Variants in OR8B8 observed in about 807,000 individuals in gnomAD.
OR8B8 encodes olfactory receptor family 8 subfamily B member 8.
In OR8B8, 8 loss-of-function variants were observed where a neutral mutation model predicts 10.5. The observed-to-expected ratio is 0.76, with a 90% CI of 0.45 to 1.38. The LOEUF (loss-of-function observed/expected upper bound fraction) is 1.38. Among genes scored for constraint, OR8B8 ranks in the 40% most tolerant of loss-of-function variants. OR8B8 has a pLI of 0.00. For synonymous variants in OR8B8, 150 were observed against 145.2 expected, an observed-to-expected ratio of 1.03 and a Z score of -0.24; for missense variants, 390 against 380.5, an observed-to-expected ratio of 1.03 and a Z score of -0.21.
rs1189787898 is a variant in OR8B8, at chr11:124,438,084, A to C, written c.*2066T>G. The C allele has an allele frequency of 1.3e-5, 2 of 152,184 alleles. No individual in the cohort carries two copies. The highest frequency in any genetic ancestry group is 4.8e-5 in the African/African-American group (2 of 41,444). 9.4% of individuals were successfully genotyped at this position (152,184 alleles called of 1,614,324 possible). On this transcript the variant is annotated 3_prime_UTR_variant, in exon 3 of 3. Transcript: ENST00000642064. ...AAATTTACCGAGAATCTGGCATCTA[A>C]TTCACTTAATACCTCTGAGAAAAAC...
At position 124,440,149 on chromosome 11, in the gene OR8B8, C is replaced by A. The variant is rs1251786360; in HGVS notation, c.*1G>T. On this transcript the variant is annotated 3_prime_UTR_variant, in exon 3 of 3. Coordinates refer to ENST00000642064, the MANE Select transcript of OR8B8 (RefSeq NM_012378.2). ...TTTCTTTCCTGAGCATTGCCCTTTT[C>A]TCAGGAGAATGCATTTTTGTTCAAG... 1 of 1,609,058 alleles carries A rather than the reference C, an allele frequency of 6.2e-7. No homozygotes were observed. Among genetic ancestry groups the A allele is most frequent in the South Asian group, 1.1e-5 (1 of 90,638 alleles).
intron 1 of OR8B8, among the ~76,000 whole-genome samples, chr11:124,444,543 T>C (rs1411294308): frequency 6.6e-6 from 1 of 152,208 alleles, no homozygotes; most frequent in East Asian, 1.9e-4. Context: ...ATAATGATGC[T>C]AGCAACATTG....
Position 124,440,787 on chromosome 11 carries a change from T to A in OR8B8, c.299A>T (p.Gln100Leu). 1 of 1,614,146 alleles carries A rather than the reference T, an allele frequency of 6.2e-7. No homozygotes were observed. Among genetic ancestry groups the A allele is most frequent in the Admixed American group, 1.7e-5 (1 of 60,022 alleles). Residue 100 changes from glutamine (Q) to leucine (L), a missense_variant, in exon 3 of 3, where the codon CAG becomes CTG. By Grantham distance (113) the Gln-to-Leu change is moderately radical. Transcript: ENST00000642064. ...AACAAAGAAAAGAAAGAAGAAGAGC[T>A]GAGTCATACACCCTGCGTAGGAGAT... is the stretch of plus-strand genomic sequence containing the variant. The part of the protein sequence containing the change: ...NSISYAGCMT[Q>L]LFFFLFFVVS...
rs377463612 is a variant in OR8B8 at position 124,440,301 on chromosome 11, G to T, written c.785C>A (p.Pro262His). The change falls in exon 3 of 3, where the codon CCC (proline) becomes CAC (histidine). Residue 262 changes from proline (P) to histidine (H), a missense_variant. By Grantham distance (77) the Pro-to-His change is moderately conservative. Transcript: ENST00000642064. ...FGSGAFMYLKPFSLLAMNQGK... is the reference protein window; with the variant it reads ...FGSGAFMYLKHFSLLAMNQGK... ...CTGGTTCATAGCTAAAAGAGAAAAG[G>T]GTTTGAGGTACATGAATGCTCCTGA... 6.2e-7 allele frequency: 1 copy of T among 1,614,156 alleles called. No individual in the cohort carries two copies. Among genetic ancestry groups the T allele is most frequent in the Non-Finnish European group, 8.5e-7 (1 of 1,180,020 alleles).
chr11:124,443,351 G>A (rs952832601), intron 1 of OR8B8, among the ~76,000 whole-genome samples: 9 of 152,182 alleles, frequency 5.9e-5, no homozygotes, highest in African/African-American at 2.2e-4. Flanking sequence ...CGTATGCAAT[G>A]TGAATCCATG....
In OR8B8 at chr11:124,440,485, C is replaced by T. The variant is rs755711154; in HGVS notation, c.601G>A (p.Val201Ile). 3 of 1,614,182 alleles carry T rather than the reference C, an allele frequency of 1.9e-6. No individual in the cohort carries two copies. The highest frequency in any genetic ancestry group is 2.5e-6 in the Non-Finnish European group (3 of 1,180,030). ...ACACCAATATCAATGCCCACAACAA[C>T]AAACACTACAAGCTCATTCACATAG... ...STYVNELVVF[V>I]VVGIDIGVPT... The change falls in exon 3 of 3, where the codon GTT (valine) becomes ATT (isoleucine). Residue 201 changes from valine to isoleucine, a missense_variant. Physicochemically the swap from Val to Ile is conservative, Grantham distance 29. Coordinates refer to ENST00000642064, the MANE Select transcript of OR8B8 (RefSeq NM_012378.2).
rs1206047073 is a variant in OR8B8, at chr11:124,437,842, G to A, written c.*2308C>T. ...CGTCATTTCAAAATCTGATTCTGAGGGGACACAAGTGTTCAGCCTATAGCA... is the reference window on the plus strand; with the variant it reads ...CGTCATTTCAAAATCTGATTCTGAGAGGACACAAGTGTTCAGCCTATAGCA... On this transcript the variant is annotated 3_prime_UTR_variant, in exon 3 of 3. Coordinates refer to ENST00000642064, the MANE Select transcript of OR8B8 (RefSeq NM_012378.2). The A allele has an allele frequency of 6.6e-6, 1 of 151,854 alleles. No individual in the cohort carries two copies. 9.4% of individuals were successfully genotyped at this position (151,854 alleles called of 1,614,324 possible).
chr11:124,444,716 G>A (rs539926384), intron 1 of OR8B8, among the ~76,000 whole-genome samples: 79 of 152,292 alleles, frequency 5.2e-4, no homozygotes, highest in Non-Finnish European at 1.0e-3. Flanking sequence ...GAGCCGAGAA[G>A]AGTGGTTGAC....
In OR8B8 at chr11:124,440,513, G is replaced by T. The variant is rs773346488; in HGVS notation, c.573C>A (p.Ser191Arg). ...ACACTACAAGCTCATTCACATAGGT[G>T]CTGGTGCAAGCACACTCAAGAAGGG... ...ILPLLECACT[S>R]TYVNELVVFV... The change falls in exon 3 of 3, where the codon AGC (serine) becomes AGA (arginine). Residue 191 changes from serine to arginine, a missense_variant. Ser to Arg is a moderately radical substitution (Grantham distance 110, BLOSUM62 -1). Coordinates refer to ENST00000642064, the MANE Select transcript of OR8B8 (RefSeq NM_012378.2). 20 of 1,614,230 alleles carry T rather than the reference G, an allele frequency of 1.2e-5. No individual in the cohort carries two copies. Among genetic ancestry groups the T allele is most frequent in the Non-Finnish European group, 1.7e-5 (20 of 1,180,038 alleles).
In OR8B8 at chr11:124,439,789, T is replaced by G; in HGVS notation, c.*361A>C. ...TTAACATCCTAGGCCAGCTCACATTTGAAATGAAATCTTCCAGAGGCTGAG... is the reference window on the plus strand; with the variant it reads ...TTAACATCCTAGGCCAGCTCACATTGGAAATGAAATCTTCCAGAGGCTGAG... On this transcript the variant is annotated 3_prime_UTR_variant, in exon 3 of 3. Coordinates refer to ENST00000642064, the MANE Select transcript of OR8B8 (RefSeq NM_012378.2). 5.2e-6 allele frequency: 1 copy of G among 193,284 alleles called. No homozygotes were observed. Among genetic ancestry groups the G allele is most frequent in the South Asian group, 1.4e-4 (1 of 7,290 alleles). 12.0% of individuals were successfully genotyped at this position (193,284 alleles called of 1,614,324 possible). A position where few individuals can be genotyped will look rare whatever the true frequency, so the allele number is the denominator to read the frequency against.
At chr11:124,443,370 T>C (rs73615081) in intron 1 of OR8B8, among the ~76,000 whole-genome samples, 29,238 of 152,062 alleles carry the variant, frequency 0.19, 3,515 homozygotes, top group African/African-American at 0.33. Flanking sequence ...TGGAATATAT[T>C]GAATATGAGA....
Position 124,438,205 on chromosome 11 carries a change from A to G in OR8B8, c.*1945T>C, listed in dbSNP as rs1310057143. 6.6e-6 allele frequency: 1 copy of G among 152,226 alleles called. No homozygotes were observed. Among genetic ancestry groups the G allele is most frequent in the African/African-American group, 2.4e-5 (1 of 41,466 alleles). The allele number at this position is 152,226 out of a possible 1,614,324, so 9.4% of individuals were successfully genotyped here. A position where few individuals can be genotyped will look rare whatever the true frequency, so the allele number is the denominator to read the frequency against. Reference sequence around the variant, plus strand: ...GCTCAGGTTCAAATTTGATTCTACCATCCAACTCTCTGGGCTCTGCTCTTT... The same window carrying G: ...GCTCAGGTTCAAATTTGATTCTACCGTCCAACTCTCTGGGCTCTGCTCTTT... On this transcript the variant is annotated 3_prime_UTR_variant, in exon 3 of 3. Transcript: ENST00000642064.
At position 124,437,665 on chromosome 11, in the gene OR8B8, TGTGCGCGC is replaced by T. The variant is rs1486432861; in HGVS notation, c.*2477_*2484del. ...GTGTGTGTGTGTGTGTGTGTGTGTG[TGTGCGCGC>T]GCGCGTGCGTGCGTGCTGGGATTAC... On this transcript the variant is annotated 3_prime_UTR_variant, in exon 3 of 3. Transcript: ENST00000642064. The T allele has an allele frequency of 1.2e-3, 149 of 127,888 alleles. No individual in the cohort carries two copies. The highest frequency in any genetic ancestry group is 6.0e-3 in the African/African-American group (139 of 23,334). The allele number at this position is 127,888 out of a possible 1,614,324, so 7.9% of individuals were successfully genotyped here. A position where few individuals can be genotyped will look rare whatever the true frequency, so the allele number is the denominator to read the frequency against.
Position 124,441,079 on chromosome 11 carries a change from C to G in OR8B8, c.7G>C (p.Ala3Pro), listed in dbSNP as rs1861470451. The part of the protein sequence containing the change: MA[A>P]ENSSFVTQFI... ...TGTGTCACGAAGGAGGAATTCTCAG[C>G]AGCCATTGTCATTTAAGGCATTCTG... Residue 3 changes from alanine (A) to proline (P), a missense_variant, in exon 3 of 3, where the codon GCT becomes CCT. Coordinates refer to ENST00000642064, the MANE Select transcript of OR8B8 (RefSeq NM_012378.2). 1.2e-6 allele frequency: 2 copies of G among 1,608,756 alleles called. No individual in the cohort carries two copies. Among genetic ancestry groups the G allele is most frequent in the Non-Finnish European group, 1.7e-6 (2 of 1,179,136 alleles).
intron 1 of OR8B8, among the ~76,000 whole-genome samples, chr11:124,445,297 C>A (rs897957186): frequency 1.1e-4 from 16 of 152,240 alleles, no homozygotes; most frequent in African/African-American, 2.9e-4. Flanking sequence ...CACCCTCTTC[C>A]AGGCATTTCT....
In OR8B8 at chr11:124,440,381, G is replaced by A. The variant is rs1293445708; in HGVS notation, c.705C>T (p.Ser235=). 20 of 1,614,070 alleles carry A rather than the reference G, an allele frequency of 1.2e-5. No individual in the cohort carries two copies. The highest frequency in any genetic ancestry group is 1.7e-5 in the Non-Finnish European group (20 of 1,180,048). The part of the protein sequence containing the change: ...IFHIDSTEGR[S]KAFSTCSSHI... ...GGGAGCTGCAGGTGCTGAAGGCTTT[G>A]GACCTGCCCTCCGTGGAATCAATGT... The change falls in exon 3 of 3, where the codon TCC becomes TCT. Residue 235 remains serine, a synonymous_variant. Transcript: ENST00000642064.
chr11:124,445,531 G>C (rs189867483), intron 1 of OR8B8, 45 bp downstream of exon 1: 23 of 152,086 alleles, frequency 1.5e-4, no homozygotes. Context: ...GCGCACACAC[G>C]TGTGTGTGTT....
At chr11:124,445,448 C>A in intron 1 of OR8B8, 128 bp downstream of exon 1, 1 of 152,210 alleles carries the variant, frequency 6.6e-6, no homozygotes, top group Non-Finnish European at 1.5e-5. Context: ...GCCCCATTGG[C>A]AGCTGTCTGA....
chr11:124,437,667 T>TGTGTGTGTGTGC lies in OR8B8; in HGVS notation c.*2482_*2483insGCACACACACAC, dbSNP rs1348230432. On this transcript the variant is annotated 3_prime_UTR_variant, in exon 3 of 3. Coordinates refer to ENST00000642064, the MANE Select transcript of OR8B8 (RefSeq NM_012378.2). ...GTGTGTGTGTGTGTGTGTGTGTGTG[T>TGTGTGTGTGTGC]GCGCGCGCGCGTGCGTGCGTGCTGG... The TGTGTGTGTGTGC allele has an allele frequency of 9.0e-6, 1 of 110,516 alleles. No individual in the cohort carries two copies. Among genetic ancestry groups the TGTGTGTGTGTGC allele is most frequent in the Non-Finnish European group, 1.8e-5 (1 of 56,026 alleles). 6.8% of individuals were successfully genotyped at this position (110,516 alleles called of 1,614,324 possible).
Sources: gnomAD v4.1 joint callset for allele counts (sites outside exome capture counted in the v4.1 genomes callset) on GRCh38, gnomAD v4.1.1 for gene constraint, MANE v1.5 for transcripts, NCBI Gene and HGNC (gene_info 2026-07-23, HGNC 2026-07-21) for gene names.